Variants in SYT1 observed in about 807,000 individuals in gnomAD.
SYT1 encodes synaptotagmin 1.
SYT1 carries 8 observed loss-of-function variants against 44.8 expected under a neutral mutation model. The ratio of observed to expected loss-of-function variants is 0.18; its 90% CI spans 0.10 to 0.32. SYT1 has a LOEUF of 0.32. Among genes scored for constraint, SYT1 ranks in the 10% least tolerant of loss-of-function variants. The pLI, the probability that SYT1 is intolerant of heterozygous loss-of-function variation, is 1.00. For missense variants in SYT1, 286 were observed against 509.3 expected (o/e 0.56, Z 4.22); for synonymous variants, 154 against 188.8 (o/e 0.82, Z 1.51).
At chr12:79,437,109 A>G (rs1870133930) in intron 9 of SYT1, among the ~76,000 whole-genome samples, 1 of 152,322 alleles carries the variant, frequency 6.6e-6, no homozygotes, top group Middle Eastern at 3.4e-3. Flanking sequence ...AGGAATAGTA[A>G]GTGCCTACCA....
intron 9 of SYT1, among the ~76,000 whole-genome samples, chr12:79,377,799 A>G (rs1462692332): frequency 1.3e-5 from 2 of 152,238 alleles, no homozygotes; most frequent in Non-Finnish European, 2.9e-5. Flanking sequence ...AGGTCTAGGG[A>G]GAATCCAGGT....
intron 3 of SYT1, among the ~76,000 whole-genome samples, chr12:79,216,239 A>T (rs1039248496): frequency 2.0e-5 from 3 of 151,888 alleles, no homozygotes; most frequent in African/African-American, 7.3e-5. Context: ...ACTAAATTTC[A>T]TTTTTAAAAA....
chr12:79,135,519 G>A (rs1010156688), intron 3 of SYT1, among the ~76,000 whole-genome samples: 1 of 152,058 alleles, frequency 6.6e-6, no homozygotes, highest in East Asian at 1.9e-4. Context: ...CATTATTGGT[G>A]TCCCTGACAA....
chr12:79,031,766 G>T (rs1197475991), intron 2 of SYT1, among the ~76,000 whole-genome samples: 1 of 150,970 alleles, frequency 6.6e-6, no homozygotes, highest in Non-Finnish European at 1.5e-5. Context: ...CATAGAATAA[G>T]ATATAATAAT....
chr12:79,450,167 T>TA lies in SYT1; in HGVS notation c.*1047dup, dbSNP rs1870972867. The TA allele has an allele frequency of 6.6e-6, 1 of 152,584 alleles. No homozygotes were observed. Among genetic ancestry groups the TA allele is most frequent in the Non-Finnish European group, 1.5e-5 (1 of 68,016 alleles). 9.5% of individuals were successfully genotyped at this position (152,584 alleles called of 1,614,324 possible). A position where few individuals can be genotyped will look rare whatever the true frequency, so the allele number is the denominator to read the frequency against. On this transcript the variant is annotated 3_prime_UTR_variant, in exon 11 of 11. Transcript: ENST00000261205. ...GTTTGTAACAAAATATTTTATTATA[T>TA]AAAACCAGGTTAGAAGGAATGCAGG...
At chr12:79,379,391 T>G (rs1884127429) in intron 9 of SYT1, among the ~76,000 whole-genome samples, 1 of 151,766 alleles carries the variant, frequency 6.6e-6, no homozygotes, top group Non-Finnish European at 1.5e-5. Flanking sequence ...GTTACCAAAA[T>G]GTACCAGCTG....
At chr12:78,910,646 T>A (rs2137124975) in intron 1 of SYT1, among the ~76,000 whole-genome samples, 1 of 152,088 alleles carries the variant, frequency 6.6e-6, no homozygotes, top group African/African-American at 2.4e-5. Context: ...TCATGAAAAT[T>A]GCAGTCTAGA....
At chr12:79,303,428 T>C (rs532474931) in intron 8 of SYT1, among the ~76,000 whole-genome samples, 2 of 152,198 alleles carry the variant, frequency 1.3e-5, no homozygotes, top group African/African-American at 2.4e-5. Flanking sequence ...CATTCCGCCC[T>C]GATATGCTGC....
intron 3 of SYT1, among the ~76,000 whole-genome samples, chr12:79,210,855 G>T (rs1015987497): frequency 6.6e-6 from 1 of 151,510 alleles, no homozygotes; most frequent in Non-Finnish European, 1.5e-5. Context: ...ATTTTAGCCA[G>T]TGGCCATTTT....
At chr12:79,227,026 G>A (rs1875561903) in intron 4 of SYT1, among the ~76,000 whole-genome samples, 1 of 152,054 alleles carries the variant, frequency 6.6e-6, no homozygotes, top group Non-Finnish European at 1.5e-5. Context: ...TTGGCTATCT[G>A]GCAGATGTGT....
In SYT1 at chr12:78,955,800, TTGTGTGTGTG is replaced by T. The variant is rs60111282; in HGVS notation, c.-216-21970_-216-21961del. ...TGCGTTTTATTTTCTGCCAAGATAT[TTGTGTGTGTG>T]TGTGTGTGTGTGTGTGTGTGTGTGT... On this transcript the variant is annotated intron_variant, in intron 1 of 10. Transcript: ENST00000261205. Among the ~76,000 whole-genome samples, 31 of 138,700 alleles carry T rather than the reference TTGTGTGTGTG, an allele frequency of 2.2e-4. 1 individual carries two copies. Among genetic ancestry groups the T allele is most frequent in the East Asian group, 8.6e-4 (4 of 4,662 alleles). 91.0% of individuals were successfully genotyped at this position (138,700 alleles called of 152,430 possible). A position where few individuals can be genotyped will look rare whatever the true frequency, so the allele number is the denominator to read the frequency against.
At chr12:79,077,916 A>C (rs528532670) in intron 3 of SYT1, among the ~76,000 whole-genome samples, 1 of 152,286 alleles carries the variant, frequency 6.6e-6, no homozygotes, top group South Asian at 2.1e-4. Context: ...TTAAATTTTA[A>C]ATCATTAAAA....
intron 2 of SYT1, among the ~76,000 whole-genome samples, chr12:79,004,047 A>G (rs1168692334): frequency 1.3e-5 from 2 of 151,770 alleles, no homozygotes. Context: ...ATATCTAATG[A>G]CCCTCCTTTT....
intron 3 of SYT1, among the ~76,000 whole-genome samples, chr12:79,058,929 A>C (rs1349346314): frequency 1.3e-5 from 2 of 152,052 alleles, no homozygotes; most frequent in Non-Finnish European, 2.9e-5. Flanking sequence ...CTTGTGATAG[A>C]AGATTTGTTA....
At chr12:79,273,568 T>C (rs2138779532) in intron 4 of SYT1, among the ~76,000 whole-genome samples, 1 of 152,270 alleles carries the variant, frequency 6.6e-6, no homozygotes, top group East Asian at 1.9e-4. Context: ...TCATTTCCAC[T>C]GCAGAGCCTG....
intron 9 of SYT1, among the ~76,000 whole-genome samples, chr12:79,364,088 T>A (rs1228962352): frequency 6.6e-6 from 1 of 152,210 alleles, no homozygotes; most frequent in Non-Finnish European, 1.5e-5. Context: ...AATGCAATTA[T>A]TTTGGCATCA....
intron 1 of SYT1, among the ~76,000 whole-genome samples, chr12:78,866,737 A>C (rs1260625674): frequency 1.3e-5 from 2 of 152,134 alleles, no homozygotes; most frequent in African/African-American, 4.8e-5. Context: ...TATACAAAAC[A>C]CTTCTTTTTA....
At chr12:79,076,467 C>T (rs1247976772) in intron 3 of SYT1, among the ~76,000 whole-genome samples, 8 of 152,082 alleles carry the variant, frequency 5.3e-5, no homozygotes, top group African/African-American at 1.4e-4. Context: ...TGTTGTTACT[C>T]TCATACTTTC....
At chr12:79,377,583 G>A (rs1259461603) in intron 9 of SYT1, among the ~76,000 whole-genome samples, 2 of 152,178 alleles carry the variant, frequency 1.3e-5, no homozygotes, top group African/African-American at 2.4e-5. Flanking sequence ...TGGTGTTTCT[G>A]TTATCCTTCT....
Sources: allele counts gnomAD v4.1 joint callset (sites outside exome capture counted in the v4.1 genomes callset), GRCh38; gene constraint gnomAD v4.1.1; transcripts MANE v1.5; gene names NCBI Gene and HGNC (gene_info 2026-07-23, HGNC 2026-07-21).